GAB2: variants seen among roughly 807,000 people sequenced by gnomAD.
GAB2 encodes GRB2-associated-binding protein 2.
GAB2 carries 26 observed loss-of-function variants against 65.5 expected under a neutral mutation model. The ratio of observed to expected loss-of-function variants is 0.40; its 90% CI spans 0.29 to 0.55. The LOEUF is 0.55. GAB2 is among the 20% of genes least tolerant of loss of function. GAB2 has a pLI of 0.53. For missense variants in GAB2, 884 were observed against 875.8 expected (o/e 1.01, Z -0.12); for synonymous variants, 321 against 329.6 (o/e 0.97, Z 0.28).
intron 1 of GAB2, among the ~76,000 whole-genome samples, chr11:78,333,569 A>G (rs1384623324): frequency 2.0e-5 from 3 of 152,198 alleles, no homozygotes; most frequent in Non-Finnish European, 2.9e-5. Context: ...CCCCCTGCCC[A>G]GTGGCATATT....
intron 1 of GAB2, among the ~76,000 whole-genome samples, chr11:78,298,875 G>C (rs1452682097): frequency 1.3e-5 from 2 of 152,092 alleles, no homozygotes; most frequent in Admixed American, 1.3e-4. Flanking sequence ...CCAAAGACCT[G>C]GTTCCATATT....
chr11:78,291,565 T>TTC (rs1866680801), intron 1 of GAB2, among the ~76,000 whole-genome samples: 1 of 92,594 alleles, frequency 1.1e-5, no homozygotes, highest in East Asian at 2.6e-4. Flanking sequence ...CTTTTTCTTT[T>TTC]TTTTTTTTTT....
At chr11:78,309,976 G>A (rs1022959907) in intron 1 of GAB2, among the ~76,000 whole-genome samples, 24 of 148,162 alleles carry the variant, frequency 1.6e-4, no homozygotes, top group South Asian at 4.2e-4. Flanking sequence ...GTGTGTGCGC[G>A]CGCGCCTGTG....
intron 1 of GAB2, among the ~76,000 whole-genome samples, chr11:78,351,733 G>T (rs531362473): frequency 2.2e-4 from 33 of 152,160 alleles, no homozygotes; most frequent in Middle Eastern, 3.2e-3. Context: ...AAGTAGATAG[G>T]GAACTGGAAG....
At position 78,417,784 on chromosome 11, in the gene GAB2, C is replaced by A; in HGVS notation, c.-64G>T. 2.2e-6 allele frequency: 2 copies of A among 915,678 alleles called. No homozygotes were observed. Among genetic ancestry groups the A allele is most frequent in the Non-Finnish European group, 2.7e-6 (2 of 749,124 alleles). The allele number at this position is 915,678 out of a possible 1,614,324, so 56.7% of individuals were successfully genotyped here. ...AGGGCGCGGGCTCGGGCAGCTGGGG[C>A]AGCGGCCGGCGGTGCGCAGCTCGCG... On this transcript the variant is annotated 5_prime_UTR_variant, in exon 1 of 10. Transcript: ENST00000361507.
At chr11:78,282,008 A>G (rs1057135421) in intron 1 of GAB2, among the ~76,000 whole-genome samples, 5 of 152,174 alleles carry the variant, frequency 3.3e-5, no homozygotes, top group Non-Finnish European at 7.3e-5. Context: ...TCACAGAGAA[A>G]CTGCTCTAAA....
intron 4 of GAB2, among the ~76,000 whole-genome samples, chr11:78,226,109 C>T (rs1006414062): frequency 6.6e-6 from 1 of 152,196 alleles, no homozygotes; most frequent in African/African-American, 2.4e-5. Flanking sequence ...GACTGATCTT[C>T]TGAATTTATT....
chr11:78,256,555 G>A (rs1027158137), intron 2 of GAB2, among the ~76,000 whole-genome samples: 2 of 152,174 alleles, frequency 1.3e-5, no homozygotes, highest in East Asian at 1.9e-4. Context: ...CCTCATGCAC[G>A]GGACAGAAGT....
At chr11:78,400,901 CAAAAAAAA>C (rs59240034) in intron 1 of GAB2, among the ~76,000 whole-genome samples, 1 of 65,246 alleles carries the variant, frequency 1.5e-5, no homozygotes, top group African/African-American at 5.9e-5. Flanking sequence ...GAGACTGTCT[CAAAAAAAA>C]AAAAAAAAAA....
At chr11:78,403,931 C>G (rs7937277) in intron 1 of GAB2, among the ~76,000 whole-genome samples, 37,391 of 151,708 alleles carry the variant, frequency 0.25, 5,518 homozygotes, top group East Asian at 0.44. Flanking sequence ...TGCTAAGTAT[C>G]TACAGAAAAA....
At chr11:78,345,252 C>T (rs1856162332) in intron 1 of GAB2, among the ~76,000 whole-genome samples, 1 of 152,060 alleles carries the variant, frequency 6.6e-6, no homozygotes, top group African/African-American at 2.4e-5. Context: ...TGACTCCAGC[C>T]TGAGCAATGG....
Position 78,223,416 on chromosome 11 carries a change from C to T in GAB2, c.1563G>A (p.Arg521=), listed in dbSNP as rs1365765628. Residue 521 remains arginine, a synonymous_variant, in exon 6 of 10, where the codon CGG becomes CGA. Coordinates refer to ENST00000361507, the MANE Select transcript of GAB2 (RefSeq NM_080491.3). ...PPVNRNLKPD[R]KAKPTPLDLR... ...CAGGGGAAAGAATGGACTTACCTTTCCGATCAGGTTTGAGGTTGCGGTTGA... is the reference window on the plus strand; with the variant it reads ...CAGGGGAAAGAATGGACTTACCTTTTCGATCAGGTTTGAGGTTGCGGTTGA... 6.6e-7 allele frequency: 1 copy of T among 1,523,462 alleles called. No individual in the cohort carries two copies. Among genetic ancestry groups the T allele is most frequent in the East Asian group, 2.3e-5 (1 of 42,634 alleles). The allele number at this position is 1,523,462 out of a possible 1,614,324, so 94.4% of individuals were successfully genotyped here.
At position 78,217,169 on chromosome 11, in the gene GAB2, C is replaced by T. The variant is rs1321526800; in HGVS notation, c.*2103G>A. ...ACTCCTGCCTCTGACACCAACCTCC[C>T]TAAGTACTTCCTCTGCCCTCCATCA... is the stretch of plus-strand genomic sequence containing the variant. On this transcript the variant is annotated 3_prime_UTR_variant, in exon 10 of 10. Coordinates refer to ENST00000361507, the MANE Select transcript of GAB2 (RefSeq NM_080491.3). 1 of 152,554 alleles carries T rather than the reference C, an allele frequency of 6.6e-6. No homozygotes were observed. Among genetic ancestry groups the T allele is most frequent in the Non-Finnish European group, 1.5e-5 (1 of 68,152 alleles). 9.5% of individuals were successfully genotyped at this position (152,554 alleles called of 1,614,324 possible). A position where few individuals can be genotyped will look rare whatever the true frequency, so the allele number is the denominator to read the frequency against.
chr11:78,392,782 T>C (rs1198140353), intron 1 of GAB2, among the ~76,000 whole-genome samples: 1 of 152,196 alleles, frequency 6.6e-6, no homozygotes, highest in African/African-American at 2.4e-5. Context: ...TTATTTGAAA[T>C]GTTACTTTTC....
intron 1 of GAB2, among the ~76,000 whole-genome samples, chr11:78,317,491 C>T (rs1389574305): frequency 3.8e-5 from 5 of 130,500 alleles, no homozygotes; most frequent in East Asian, 2.6e-4. Context: ...ACCTGGGAGG[C>T]GGAGGTTGCA....
chr11:78,239,819 G>A lies in GAB2; in HGVS notation c.620+10338C>T, dbSNP rs576241169. On this transcript the variant is annotated intron_variant, in intron 3 of 9. Transcript: ENST00000361507. Reference sequence around the variant, plus strand: ...AAGCCCAGTGAAGGAAGTTGCCTAGGGTCCACATAGCTGTGTTCCGTGTGG... The same window carrying A: ...AAGCCCAGTGAAGGAAGTTGCCTAGAGTCCACATAGCTGTGTTCCGTGTGG... Among the ~76,000 whole-genome samples the A allele has an allele frequency of 6.6e-5, 10 of 152,270 alleles. No homozygotes were observed. The East Asian group carries it at 1.5e-3, about 24-fold the overall frequency.
intron 1 of GAB2, among the ~76,000 whole-genome samples, chr11:78,321,989 T>C (rs1390566189): frequency 1.3e-5 from 2 of 151,650 alleles, no homozygotes; most frequent in African/African-American, 4.9e-5. Flanking sequence ...AATTATTAAC[T>C]CAAGATAGAT....
intron 1 of GAB2, among the ~76,000 whole-genome samples, chr11:78,381,354 G>C (rs139193905): frequency 6.6e-4 from 101 of 152,248 alleles, no homozygotes; most frequent in African/African-American, 2.1e-3. Context: ...ACTTAACACA[G>C]ACTCCAACTA....
intron 1 of GAB2, among the ~76,000 whole-genome samples, chr11:78,345,261 G>A (rs995197959): frequency 1.3e-5 from 2 of 152,110 alleles, no homozygotes; most frequent in Non-Finnish European, 2.9e-5. Flanking sequence ...CCTGAGCAAT[G>A]GGAATGAAAT....
Sources: gnomAD v4.1 joint callset for allele counts (sites outside exome capture counted in the v4.1 genomes callset) on GRCh38, gnomAD v4.1.1 for gene constraint, MANE v1.5 for transcripts, NCBI Gene and HGNC (gene_info 2026-07-23, HGNC 2026-07-21) for gene names.